SORCS1: variants seen among roughly 807,000 people sequenced by gnomAD.
The protein encoded by SORCS1 is sortilin related VPS10 domain containing receptor 1.
In SORCS1, 60 loss-of-function variants were observed where a neutral mutation model predicts 146.1. The ratio of observed to expected loss-of-function variants is 0.41; its 90% confidence interval spans 0.33 to 0.51. SORCS1 has a LOEUF of 0.51. Among genes scored for constraint, SORCS1 ranks in the 20% least tolerant of loss-of-function variants. The pLI is 0.21. For synonymous variants in SORCS1, 637 were observed against 584.0 expected, an observed-to-expected ratio of 1.09 and a Z score of -1.31; for missense variants, 1,352 against 1,487.6, an observed-to-expected ratio of 0.91 and a Z score of 1.50.
chr10:106,757,135 T>C (rs1250770262), intron 5 of SORCS1, among the ~76,000 whole-genome samples: 1 of 152,174 alleles, frequency 6.6e-6, no homozygotes, highest in East Asian at 1.9e-4. Flanking sequence ...GAATAAGCTG[T>C]TGCATGCCAT....
intron 1 of SORCS1, among the ~76,000 whole-genome samples, chr10:107,055,443 C>T (rs537669606): frequency 6.6e-6 from 1 of 152,262 alleles, no homozygotes; most frequent in Non-Finnish European, 1.5e-5. Flanking sequence ...GACTTTGGTA[C>T]ATTTTTATTA....
At chr10:106,971,169 T>C (rs988224207) in intron 1 of SORCS1, among the ~76,000 whole-genome samples, 1 of 152,100 alleles carries the variant, frequency 6.6e-6, no homozygotes, top group Non-Finnish European at 1.5e-5. Context: ...CCTTAAAACA[T>C]GTCTGTAGCC....
chr10:106,963,110 A>ATTTGTTTTTTTTT (rs1955323789), intron 1 of SORCS1, among the ~76,000 whole-genome samples: 1 of 76,296 alleles, frequency 1.3e-5, no homozygotes, highest in Non-Finnish European at 2.4e-5. Context: ...AATGGCCAGA[A>ATTTGTTTTTTTTT]TTTTTTTTTT....
At chr10:106,667,116 A>C (rs1851221049) in intron 17 of SORCS1, 1 of 152,292 alleles carries the variant, frequency 6.6e-6, no homozygotes. Flanking sequence ...TTTCTTAAAT[A>C]ATATTGCATA....
chr10:106,755,986 A>G (rs1301051345), intron 5 of SORCS1, among the ~76,000 whole-genome samples: 3 of 152,004 alleles, frequency 2.0e-5, no homozygotes. Flanking sequence ...AAAATTAGCC[A>G]GGCATGGTGG....
At chr10:106,933,915 G>A (rs555726948) in intron 2 of SORCS1, among the ~76,000 whole-genome samples, 10 of 152,104 alleles carry the variant, frequency 6.6e-5, no homozygotes, top group Middle Eastern at 6.8e-3. Context: ...CCAACATGGC[G>A]AAACCCCATC....
intron 17 of SORCS1, among the ~76,000 whole-genome samples, chr10:106,656,487 C>T (rs988069953): frequency 2.0e-5 from 3 of 151,902 alleles, no homozygotes; most frequent in Admixed American, 6.6e-5. Flanking sequence ...ACCTGGGAGG[C>T]GGAGCTTGCA....
At chr10:107,005,393 G>A (rs994259109) in intron 1 of SORCS1, among the ~76,000 whole-genome samples, 4 of 152,092 alleles carry the variant, frequency 2.6e-5, no homozygotes, top group Non-Finnish European at 2.9e-5. Flanking sequence ...TTAAAAACTA[G>A]AGATTGTTCT....
intron 1 of SORCS1, among the ~76,000 whole-genome samples, chr10:107,048,132 T>C (rs970102322): frequency 3.9e-5 from 6 of 151,976 alleles, no homozygotes; most frequent in Non-Finnish European, 7.4e-5. Context: ...ATGGGGCCTT[T>C]CCTTCTTTCT....
chr10:107,134,884 C>T (rs1251790317), intron 1 of SORCS1, among the ~76,000 whole-genome samples: 1 of 152,116 alleles, frequency 6.6e-6, no homozygotes, highest in East Asian at 1.9e-4. Flanking sequence ...CATGGCTTTG[C>T]CTGTGATAAG....
chr10:106,838,892 T>TTC (rs1948902596), intron 2 of SORCS1, among the ~76,000 whole-genome samples: 1 of 152,190 alleles, frequency 6.6e-6, no homozygotes, highest in Non-Finnish European at 1.5e-5. Flanking sequence ...TGATCAGTGA[T>TTC]CTTTGATGTT....
chr10:106,795,337 T>A (rs2136567995), intron 3 of SORCS1, among the ~76,000 whole-genome samples: 1 of 152,324 alleles, frequency 6.6e-6, no homozygotes, highest in East Asian at 1.9e-4. Context: ...GAACTAAGGT[T>A]CTGAGAAACA....
At chr10:106,667,900 A>G (rs1319512175) in intron 16 of SORCS1, 98 bp from the exon 17 acceptor site, 2 of 647,636 alleles carry the variant, frequency 3.1e-6, no homozygotes, top group Non-Finnish European at 5.2e-6. Flanking sequence ...CTAATCAATT[A>G]GTCATAACAA....
At chr10:106,606,904 T>C (rs1846636477) in intron 23 of SORCS1, among the ~76,000 whole-genome samples, 1 of 152,204 alleles carries the variant, frequency 6.6e-6, no homozygotes, top group African/African-American at 2.4e-5. Context: ...CCTTCCGCCA[T>C]GATTGTAAGT....
At chr10:106,899,709 G>C (rs1286539439) in intron 2 of SORCS1, among the ~76,000 whole-genome samples, 1 of 145,722 alleles carries the variant, frequency 6.9e-6, no homozygotes, top group East Asian at 2.1e-4. Context: ...AGATCTTTCT[G>C]TGTAGAGTCT....
intron 2 of SORCS1, among the ~76,000 whole-genome samples, chr10:106,894,057 C>G (rs1951349284): frequency 6.6e-6 from 1 of 152,134 alleles, no homozygotes; most frequent in African/African-American, 2.4e-5. Flanking sequence ...GAGAATTTTT[C>G]AGCAAATTCA....
intron 18 of SORCS1, among the ~76,000 whole-genome samples, chr10:106,649,170 C>T (rs1480766923): frequency 6.6e-6 from 1 of 152,136 alleles, no homozygotes; most frequent in Non-Finnish European, 1.5e-5. Flanking sequence ...TACAGAAAGC[C>T]GTCTGTCCTT....
At chr10:106,673,378 G>A (rs549689163) in intron 14 of SORCS1, among the ~76,000 whole-genome samples, 116 of 152,236 alleles carry the variant, frequency 7.6e-4, no homozygotes, top group Non-Finnish European at 1.4e-3. Context: ...TGATCCGCCC[G>A]CCTTGGCCTC....
chr10:106,642,007 T>C (rs1007807022), intron 18 of SORCS1, among the ~76,000 whole-genome samples: 6 of 152,156 alleles, frequency 3.9e-5, no homozygotes, highest in African/African-American at 1.4e-4. Context: ...GGTAAAATAT[T>C]TGTCAAAGAA....
Sources: gnomAD v4.1 joint callset for allele counts (sites outside exome capture counted in the v4.1 genomes callset) on GRCh38, gnomAD v4.1.1 for gene constraint, MANE v1.5 for transcripts, NCBI Gene and HGNC (gene_info 2026-07-23, HGNC 2026-07-21) for gene names.